Variants in ZNF354B observed in about 807,000 individuals in gnomAD.
ZNF354B encodes the protein zinc finger protein 354B.
In ZNF354B, 10 loss-of-function variants were observed where a neutral mutation model predicts 12.9. That is an observed-to-expected ratio of 0.77 (90% CI 0.48 to 1.31). The LOEUF is 1.31. Ranked by LOEUF, ZNF354B falls within the 40% of genes most tolerant of loss-of-function variation. The probability of loss-of-function intolerance (pLI) is 0.00; values close to 1 mark genes in which losing one functional copy is unlikely to be tolerated. For synonymous variants in ZNF354B, 260 were observed against 243.7 expected (o/e 1.07, Z -0.62); for missense variants, 614 against 711.7 (o/e 0.86, Z 1.56).
chr5:178,883,947 T>C lies in ZNF354B; in HGVS notation c.1495T>C (p.Cys499Arg). 2 of 1,614,126 alleles carry C rather than the reference T, an allele frequency of 1.2e-6. No homozygotes were observed. The highest frequency in any genetic ancestry group is 1.7e-6 in the Non-Finnish European group (2 of 1,179,988). Reference protein sequence around the residue: ...TGERPYKCNECDKTFRCNSSL... With the variant: ...TGERPYKCNERDKTFRCNSSL... ...AGAAAGACCCTATAAGTGTAACGAA[T>C]GTGACAAAACATTCAGGTGTAACTC... The change falls in exon 5 of 5, where the codon TGT (cysteine) becomes CGT (arginine). Residue 499 changes from cysteine to arginine, a missense_variant. By Grantham distance (180) the Cys-to-Arg change is radical. Transcript: ENST00000322434.
intron 2 of ZNF354B, among the ~76,000 whole-genome samples, chr5:178,863,219 GAAT>G (rs1220082152): frequency 2.6e-5 from 4 of 151,972 alleles, no homozygotes; most frequent in South Asian, 2.1e-4. Flanking sequence ...AAATTTTAGA[GAAT>G]AAAACATTTA....
intron 4 of ZNF354B, among the ~76,000 whole-genome samples, chr5:178,870,211 A>G (rs925212601): frequency 6.6e-6 from 1 of 152,206 alleles, no homozygotes. Flanking sequence ...AGCCAGTGAT[A>G]GAAAAACTTA....
chr5:178,880,680 A>G lies in ZNF354B; in HGVS notation c.257-2029A>G, dbSNP rs148225672. 8.4e-4 allele frequency among the ~76,000 whole-genome samples: 127 copies of G among 151,218 alleles called. 1 individual carries two copies. In the Middle Eastern group the frequency reaches 0.024, roughly 28 times the overall value. On this transcript the variant is annotated intron_variant, in intron 4 of 4. Coordinates refer to ENST00000322434, the MANE Select transcript of ZNF354B (RefSeq NM_058230.3). ...AGCTAATTTATTTTGTTTGTTTTAG[A>G]GATGGGATCTTACTGTATTGCCCAG...
chr5:178,861,559 A>G (rs192855639), intron 2 of ZNF354B, among the ~76,000 whole-genome samples: 1 of 152,254 alleles, frequency 6.6e-6, no homozygotes, highest in African/African-American at 2.4e-5. Context: ...CTGTCTTGAA[A>G]TCTATTGTAG....
intron 4 of ZNF354B, among the ~76,000 whole-genome samples, chr5:178,878,920 C>T (rs897957075): frequency 3.9e-5 from 6 of 152,088 alleles, no homozygotes; most frequent in Non-Finnish European, 7.4e-5. Context: ...AGGCTGGTCT[C>T]GAACTCCTGA....
rs574972457 is a variant in ZNF354B at position 178,865,519 on chromosome 5, G to A, written c.34-725G>A. 4.6e-5 allele frequency among the ~76,000 whole-genome samples: 7 copies of A among 152,104 alleles called. No individual in the cohort carries two copies. The South Asian group carries it at 8.3e-4, about 18-fold the overall frequency. ...CTTGACCTTGTGATCCAGCCATCTC[G>A]GCCTCCCAAAGTGCTGGGATTACAG... On this transcript the variant is annotated intron_variant, in intron 2 of 4. Transcript: ENST00000322434.
chr5:178,870,782 A>G (rs766405651), intron 4 of ZNF354B, among the ~76,000 whole-genome samples: 1 of 152,168 alleles, frequency 6.6e-6, no homozygotes, highest in Non-Finnish European at 1.5e-5. Flanking sequence ...GTGACTGCTT[A>G]CAAGATGGAA....
Position 178,878,551 on chromosome 5 carries a change from T to C in ZNF354B, c.257-4158T>C, listed in dbSNP as rs1017466389. Among the ~76,000 whole-genome samples the C allele has an allele frequency of 5.3e-5, 8 of 152,322 alleles. No homozygotes were observed. In the East Asian group the frequency reaches 1.5e-3, roughly 29 times the overall value. On this transcript the variant is annotated intron_variant, in intron 4 of 4. Coordinates refer to ENST00000322434, the MANE Select transcript of ZNF354B (RefSeq NM_058230.3). ...TTATGGCACTTAACCTCGGTGCCCATTTAGGTCTCTTCCAAGTATACTTTC... is the reference window on the plus strand; with the variant it reads ...TTATGGCACTTAACCTCGGTGCCCACTTAGGTCTCTTCCAAGTATACTTTC...
intron 4 of ZNF354B, among the ~76,000 whole-genome samples, chr5:178,868,852 G>A (rs1372912676): frequency 6.6e-6 from 1 of 151,908 alleles, no homozygotes; most frequent in East Asian, 1.9e-4. Flanking sequence ...GGCGCCTGTA[G>A]TCCCAGCTAC....
At chr5:178,864,663 C>T (rs895401373) in intron 2 of ZNF354B, among the ~76,000 whole-genome samples, 1 of 150,800 alleles carries the variant, frequency 6.6e-6, no homozygotes, top group Non-Finnish European at 1.5e-5. Context: ...CACTTTATCA[C>T]CAAGGCTGGA....
chr5:178,873,840 T>C (rs1426444862), intron 4 of ZNF354B, among the ~76,000 whole-genome samples: 2 of 152,188 alleles, frequency 1.3e-5, no homozygotes, highest in Non-Finnish European at 2.9e-5. Context: ...CAATTTTCTG[T>C]GTTTAGTCTT....
At chr5:178,861,740 T>TC in intron 2 of ZNF354B, among the ~76,000 whole-genome samples, 1 of 152,138 alleles carries the variant, frequency 6.6e-6, no homozygotes, top group Non-Finnish European at 1.5e-5. Context: ...TAGGTGGTAG[T>TC]TAGGAAGTAG....
intron 4 of ZNF354B, among the ~76,000 whole-genome samples, chr5:178,870,035 G>A (rs1757537876): frequency 6.6e-6 from 1 of 152,100 alleles, no homozygotes; most frequent in Non-Finnish European, 1.5e-5. Flanking sequence ...CTGTAGGCTG[G>A]GTGAGGTGGG....
At chr5:178,882,623 T>C in intron 4 of ZNF354B, 86 bp from the exon 5 acceptor site, 1 of 1,370,488 alleles carries the variant, frequency 7.3e-7, no homozygotes, top group Non-Finnish European at 9.7e-7. Context: ...AAACCCTTAC[T>C]GAGATACAAT....
Position 178,879,247 on chromosome 5 carries a change from A to G in ZNF354B, c.257-3462A>G, listed in dbSNP as rs1461767343. Among the ~76,000 whole-genome samples the G allele has an allele frequency of 2.6e-5, 4 of 151,632 alleles. No homozygotes were observed. In the South Asian group the frequency reaches 6.2e-4, roughly 24 times the overall value. ...TGTTTAGTAGAGATGGGGTTTCACC[A>G]TGTTGGTTAGGCTGGTCTCAAACTC... is the stretch of plus-strand genomic sequence containing the variant. On this transcript the variant is annotated intron_variant, in intron 4 of 4. Transcript: ENST00000322434.
intron 4 of ZNF354B, among the ~76,000 whole-genome samples, chr5:178,878,802 A>G (rs914364813): frequency 1.3e-5 from 2 of 151,844 alleles, no homozygotes; most frequent in African/African-American, 4.8e-5. Flanking sequence ...TCTTGGGTTC[A>G]AGTTATTCTC....
chr5:178,873,395 A>G (rs554398702), intron 4 of ZNF354B, among the ~76,000 whole-genome samples: 68 of 152,320 alleles, frequency 4.5e-4, no homozygotes, highest in African/African-American at 1.4e-3. Context: ...ATTTTCTGCC[A>G]TGTTCTTCTA....
intron 4 of ZNF354B, among the ~76,000 whole-genome samples, chr5:178,875,048 T>A (rs1384844712): frequency 6.6e-6 from 1 of 152,158 alleles, no homozygotes; most frequent in African/African-American, 2.4e-5. Context: ...TGGGCTTAAG[T>A]GTTATGGCCA....
intron 4 of ZNF354B, among the ~76,000 whole-genome samples, chr5:178,878,382 C>CA (rs774828144): frequency 0.038 from 3,649 of 97,168 alleles, 50 homozygotes; most frequent in Non-Finnish European, 0.054. Flanking sequence ...GACTCCGTCT[C>CA]AAAAAAAAAA....
Sources: allele counts gnomAD v4.1 joint callset (sites outside exome capture counted in the v4.1 genomes callset), GRCh38; gene constraint gnomAD v4.1.1; transcripts MANE v1.5; gene names NCBI Gene and HGNC (gene_info 2026-07-23, HGNC 2026-07-21).